The following MAP3K7 variants were observed in gnomAD, a reference collection of about 807,000 sequenced individuals.
MAP3K7 encodes the protein TGF-beta activated kinase 1.
A neutral mutation model predicts 84.8 loss-of-function variants in MAP3K7; 21 were observed. That is an observed-to-expected ratio of 0.25 (90% CI 0.18 to 0.36). The LOEUF is 0.36. MAP3K7 is among the 10% of genes least tolerant of loss of function. The probability of loss-of-function intolerance (pLI) is 1.00; values close to 1 mark genes in which losing one functional copy is unlikely to be tolerated. For synonymous variants in MAP3K7, 241 were observed against 247.7 expected (o/e 0.97, Z 0.25); for missense variants, 503 against 747.7 (o/e 0.67, Z 3.82).
intron 4 of MAP3K7, among the ~76,000 whole-genome samples, chr6:90,561,329 GA>G (rs1776507743): frequency 6.6e-6 from 1 of 151,348 alleles, no homozygotes; most frequent in South Asian, 2.1e-4. Context: ...AGGGCAAAAA[GA>G]AAAAAATCTG....
rs990167744 is a variant in MAP3K7, at chr6:90,513,902, G to A, written c.*2599C>T. On this transcript the variant is annotated 3_prime_UTR_variant, in exon 17 of 17. Coordinates refer to ENST00000369329, the MANE Select transcript of MAP3K7 (RefSeq NM_145331.3). ...CTTCAGCAAAAATAGTCAAACATCC[G>A]TAAACAACTTGTAACAAATCTTTAT... 6 of 152,078 alleles carry A rather than the reference G, an allele frequency of 3.9e-5. No individual in the cohort carries two copies. Among genetic ancestry groups the A allele is most frequent in the Non-Finnish European group, 7.4e-5 (5 of 67,988 alleles). 9.4% of individuals were successfully genotyped at this position (152,078 alleles called of 1,614,324 possible).
At chr6:90,564,163 A>C (rs1349093284) in intron 3 of MAP3K7, among the ~76,000 whole-genome samples, 1 of 152,210 alleles carries the variant, frequency 6.6e-6, no homozygotes, top group Non-Finnish European at 1.5e-5. Context: ...GCATCAACTA[A>C]CAAGCAAAAT....
At chr6:90,566,216 C>T (rs1343521471) in intron 3 of MAP3K7, among the ~76,000 whole-genome samples, 2 of 152,116 alleles carry the variant, frequency 1.3e-5, no homozygotes, top group Non-Finnish European at 2.9e-5. Flanking sequence ...CTGGCCAGGG[C>T]AATCAGACAG....
chr6:90,574,216 A>T (rs1776997921), intron 1 of MAP3K7, among the ~76,000 whole-genome samples: 1 of 152,198 alleles, frequency 6.6e-6, no homozygotes, highest in Admixed American at 6.5e-5. Context: ...AAAGAACAGT[A>T]AGTGCTTGGA....
chr6:90,514,858 CA>C lies in MAP3K7; in HGVS notation c.*1642del. ...TCAGCTAGGTAATCAAATTTGGGAA[CA>C]ATTAACACTCCTTTTATTTAAATTA... On this transcript the variant is annotated 3_prime_UTR_variant, in exon 17 of 17. Coordinates refer to ENST00000369329, the MANE Select transcript of MAP3K7 (RefSeq NM_145331.3). 1.3e-5 allele frequency: 1 copy of C among 74,946 alleles called. No individual in the cohort carries two copies. Among genetic ancestry groups the C allele is most frequent in the African/African-American group, 5.7e-5 (1 of 17,580 alleles). 4.6% of individuals were successfully genotyped at this position (74,946 alleles called of 1,614,324 possible).
chr6:90,573,058 A>C (rs1776958418), intron 1 of MAP3K7, among the ~76,000 whole-genome samples: 1 of 152,120 alleles, frequency 6.6e-6, no homozygotes, highest in South Asian at 2.1e-4. Flanking sequence ...CTTTATATAC[A>C]TTACCTCATT....
rs780321199 is a variant in MAP3K7 at position 90,548,207 on chromosome 6, T to C, written c.950-30A>G. 1.9e-6 allele frequency: 3 copies of C among 1,586,974 alleles called. No homozygotes were observed. In the South Asian group the frequency reaches 3.4e-5, roughly 18 times the overall value. On this transcript the variant is annotated intron_variant, in intron 9 of 16. Coordinates refer to ENST00000369329, the MANE Select transcript of MAP3K7 (RefSeq NM_145331.3). ...GAAAAGCAGAAACATTTATGACTAA[T>C]GGCTGGAAATAATACAAATGCTTCA...
chr6:90,521,749 G>C lies in MAP3K7; in HGVS notation c.1462+1929C>G, dbSNP rs552097525. On this transcript the variant is annotated intron_variant, in intron 14 of 16. Coordinates refer to ENST00000369329, the MANE Select transcript of MAP3K7 (RefSeq NM_145331.3). ...TCTGCGGCTCCCTCTACTGCGTCTAGATCTCTCTCTCACTAGATCCTCTCA... is the reference window on the plus strand; with the variant it reads ...TCTGCGGCTCCCTCTACTGCGTCTACATCTCTCTCTCACTAGATCCTCTCA... 3.3e-5 allele frequency among the ~76,000 whole-genome samples: 5 copies of C among 152,044 alleles called. No individual in the cohort carries two copies. In the South Asian group the frequency reaches 1.0e-3, roughly 32 times the overall value.
At position 90,583,806 on chromosome 6, in the gene MAP3K7, T is replaced by C. The variant is rs556059909; in HGVS notation, c.120+2958A>G. Among the ~76,000 whole-genome samples, 199 of 152,234 alleles carry C rather than the reference T, an allele frequency of 1.3e-3. 1 individual carries two copies. Among genetic ancestry groups the C allele is most frequent in the Admixed American group, 3.5e-3 (53 of 15,296 alleles). ...CCTGTGTAACACTTCTTGCAACCCA[T>C]CCCCTCTTTTATTCCAACATTCTCT... On this transcript the variant is annotated intron_variant, in intron 1 of 16. Transcript: ENST00000369329.
rs142816839 is a variant in MAP3K7 at position 90,544,580 on chromosome 6, A to C, written c.1263T>G (p.Ile421Met). 5 of 1,612,386 alleles carry C rather than the reference A, an allele frequency of 3.1e-6. No homozygotes were observed. The African/African-American group carries it at 5.3e-5, about 17-fold the overall frequency. ...ATATGACGATCTCAGGGACATCCAG[A>C]ATGTTGCCAAATGAAGCAGTTTTAC... Reference protein sequence around the residue: ...GHRKTASFGNILDVPEIVISG... With the variant: ...GHRKTASFGNMLDVPEIVISG... The change falls in exon 12 of 17, where the codon ATT (isoleucine) becomes ATG (methionine). Residue 421 changes from isoleucine (I) to methionine (M), a missense_variant. Ile to Met is a conservative substitution (Grantham distance 10, BLOSUM62 1). Coordinates refer to ENST00000369329, the MANE Select transcript of MAP3K7 (RefSeq NM_145331.3).
Position 90,552,088 on chromosome 6 carries a change from T to C in MAP3K7, c.828A>G (p.Ser276=), listed in dbSNP as rs2127974430. 1 of 1,612,294 alleles carries C rather than the reference T, an allele frequency of 6.2e-7. No homozygotes were observed. The highest frequency in any genetic ancestry group is 8.5e-7 in the Non-Finnish European group (1 of 1,178,686). The change falls in exon 8 of 17, where the codon TCA becomes TCG. Residue 276 remains serine (S), a synonymous_variant. Transcript: ENST00000369329. ...TCATTATTTTCACAATTTCCTCCAT[T>C]GAAGGGCGCTGGGAAGGATCTTTAG... ...CWSKDPSQRP[S]MEEIVKIMTH... is the part of the protein sequence containing the mutation.
At chr6:90,586,378 CAAAAAAAAAA>C (rs71027942) in intron 1 of MAP3K7, among the ~76,000 whole-genome samples, 820 of 78,596 alleles carry the variant, frequency 0.01, 14 homozygotes, top group African/African-American at 0.04. Flanking sequence ...GACTCCGTCT[CAAAAAAAAAA>C]AAAAAAAAAA....
chr6:90,519,888 T>C (rs1414843851), intron 14 of MAP3K7, among the ~76,000 whole-genome samples: 4 of 151,898 alleles, frequency 2.6e-5, no homozygotes, highest in Admixed American at 2.0e-4. Flanking sequence ...GTGATGAGAG[T>C]ATATTACAAA....
intron 2 of MAP3K7, among the ~76,000 whole-genome samples, chr6:90,570,467 C>T (rs968350596): frequency 1.3e-5 from 2 of 152,094 alleles, no homozygotes; most frequent in Non-Finnish European, 2.9e-5. Context: ...AGCTCAATGA[C>T]TATCTCTTAT....
In MAP3K7 at chr6:90,514,241, G is replaced by C. The variant is rs1231246878; in HGVS notation, c.*2260C>G. 6.6e-6 allele frequency: 1 copy of C among 152,034 alleles called. No individual in the cohort carries two copies. The highest frequency in any genetic ancestry group is 1.5e-5 in the Non-Finnish European group (1 of 67,956). 9.4% of individuals were successfully genotyped at this position (152,034 alleles called of 1,614,324 possible). ...CATTTTTATTTGCAGGATGGATGAG[G>C]AAACTGATGAAACTGGCTGTGGATT... On this transcript the variant is annotated 3_prime_UTR_variant, in exon 17 of 17. Coordinates refer to ENST00000369329, the MANE Select transcript of MAP3K7 (RefSeq NM_145331.3).
intron 1 of MAP3K7, among the ~76,000 whole-genome samples, chr6:90,583,800 A>G (rs1777356173): frequency 6.6e-6 from 1 of 152,180 alleles, no homozygotes; most frequent in Non-Finnish European, 1.5e-5. Context: ...CACTTCTTGC[A>G]ACCCATCCCC....
intron 1 of MAP3K7, among the ~76,000 whole-genome samples, chr6:90,579,202 T>C (rs1777185515): frequency 2.0e-5 from 3 of 152,222 alleles, no homozygotes; most frequent in Admixed American, 2.0e-4. Flanking sequence ...AAGATTATAT[T>C]CGAATCAGAT....
chr6:90,524,118 C>G (rs1775244562), intron 13 of MAP3K7, among the ~76,000 whole-genome samples: 1 of 152,068 alleles, frequency 6.6e-6, no homozygotes, highest in African/African-American at 2.4e-5. Flanking sequence ...CTGCTGCACT[C>G]AGAGGAATGG....
chr6:90,518,023 C>T (rs1775024738), intron 16 of MAP3K7, among the ~76,000 whole-genome samples: 2 of 151,656 alleles, frequency 1.3e-5, no homozygotes, highest in African/African-American at 4.8e-5. Flanking sequence ...TCTATAACTC[C>T]TCAGAAAAAC....
Sources: allele counts gnomAD v4.1 joint callset (sites outside exome capture counted in the v4.1 genomes callset), GRCh38; gene constraint gnomAD v4.1.1; transcripts MANE v1.5; gene names NCBI Gene and HGNC (gene_info 2026-07-23, HGNC 2026-07-21).